CDH18: variants seen among roughly 807,000 people sequenced by gnomAD.
The protein encoded by CDH18 is cadherin 18, also known as cadherin-18.
A neutral mutation model predicts 67.9 loss-of-function variants in CDH18; 31 were observed. The observed-to-expected ratio is 0.46, with a 90% CI of 0.34 to 0.62. The LOEUF (loss-of-function observed/expected upper bound fraction) is 0.62, where lower values mean the gene tolerates loss of function less well. Among genes scored for constraint, CDH18 ranks in the 20% least tolerant of loss-of-function variants. CDH18 has a pLI of 0.01. For synonymous variants in CDH18, 362 were observed against 347.2 expected (o/e 1.04, Z -0.48); for missense variants, 890 against 975.5 (o/e 0.91, Z 1.17).
intron 2 of CDH18, among the ~76,000 whole-genome samples, chr5:20,198,219 AACAG>A (rs1739144712): frequency 6.6e-6 from 1 of 152,332 alleles, no homozygotes; most frequent in East Asian, 1.9e-4. Context: ...GGAACTCGGT[AACAG>A]ACAGACATTG....
chr5:20,552,424 C>T (rs1301691956), intron 1 of CDH18, among the ~76,000 whole-genome samples: 1 of 152,142 alleles, frequency 6.6e-6, no homozygotes, highest in Admixed American at 6.5e-5. Flanking sequence ...TTGCTGTGAG[C>T]AGAGACCATG....
chr5:20,261,483 C>T (rs1211669244), intron 1 of CDH18, among the ~76,000 whole-genome samples: 1 of 151,984 alleles, frequency 6.6e-6, no homozygotes, highest in East Asian at 1.9e-4. Flanking sequence ...GCTCACGCCT[C>T]TAATCCCAGC....
chr5:19,861,732 C>G (rs139529427), intron 2 of CDH18, among the ~76,000 whole-genome samples: 1 of 152,064 alleles, frequency 6.6e-6, no homozygotes, highest in East Asian at 1.9e-4. Context: ...AAAGATGGCT[C>G]CAATAATTGT....
chr5:20,332,356 A>G (rs1739261383), intron 1 of CDH18, among the ~76,000 whole-genome samples: 2 of 152,160 alleles, frequency 1.3e-5, no homozygotes, highest in African/African-American at 4.8e-5. Context: ...AAGTGAGATT[A>G]TTGATTTTTC....
intron 2 of CDH18, among the ~76,000 whole-genome samples, chr5:20,129,332 AGG>A (rs1277813331): frequency 5.3e-5 from 8 of 152,062 alleles, no homozygotes; most frequent in African/African-American, 1.9e-4. Context: ...TTCTGCCCCT[AGG>A]TTACATGCTA....
intron 2 of CDH18, among the ~76,000 whole-genome samples, chr5:20,095,863 A>C (rs192028880): frequency 4.7e-4 from 71 of 152,134 alleles, no homozygotes; most frequent in African/African-American, 1.7e-3. Flanking sequence ...CTAGAATAAA[A>C]AATAAAATAA....
intron 2 of CDH18, among the ~76,000 whole-genome samples, chr5:20,056,464 A>ATTTTTTTTTTT (rs1561753965): frequency 4.5e-5 from 1 of 22,074 alleles, no homozygotes; most frequent in Non-Finnish European, 9.6e-5. Context: ...ATTTTTCTTT[A>ATTTTTTTTTTT]TTTTCTTTCT....
chr5:20,145,078 C>T (rs974398600), intron 2 of CDH18, among the ~76,000 whole-genome samples: 2 of 152,092 alleles, frequency 1.3e-5, no homozygotes, highest in African/African-American at 2.4e-5. Flanking sequence ...CCTGTTTGTG[C>T]TCTTTGCTAT....
intron 1 of CDH18, among the ~76,000 whole-genome samples, chr5:20,565,595 TC>T (rs1758456187): frequency 6.6e-6 from 1 of 152,002 alleles, no homozygotes; most frequent in Admixed American, 6.6e-5. Flanking sequence ...ATTCTGGTAC[TC>T]TCATCTTTAC....
intron 1 of CDH18, among the ~76,000 whole-genome samples, chr5:20,514,572 T>C (rs982977534): frequency 6.6e-6 from 1 of 152,114 alleles, no homozygotes; most frequent in Non-Finnish European, 1.5e-5. Context: ...GTACATGAGC[T>C]GATTGTAGTA....
At chr5:19,715,946 T>A (rs563782818) in intron 5 of CDH18, among the ~76,000 whole-genome samples, 2 of 151,760 alleles carry the variant, frequency 1.3e-5, no homozygotes, top group East Asian at 3.9e-4. Flanking sequence ...GCATCCTGAG[T>A]AGCTGGGATT....
chr5:19,901,855 A>C (rs1406531079), intron 2 of CDH18, among the ~76,000 whole-genome samples: 1 of 151,896 alleles, frequency 6.6e-6, no homozygotes, highest in African/African-American at 2.4e-5. Flanking sequence ...AAAATGACTT[A>C]ATATACATCT....
chr5:20,342,565 C>T (rs1417652131), intron 1 of CDH18, among the ~76,000 whole-genome samples: 1 of 152,128 alleles, frequency 6.6e-6, no homozygotes, highest in Admixed American at 6.5e-5. Context: ...AGGAGGTGCA[C>T]TACACTTGAA....
At chr5:19,735,933 C>T (rs1297111666) in intron 4 of CDH18, among the ~76,000 whole-genome samples, 1 of 151,930 alleles carries the variant, frequency 6.6e-6, no homozygotes, top group East Asian at 1.9e-4. Context: ...ATCTACATGA[C>T]AATTATGTAA....
At position 20,078,560 on chromosome 5, in the gene CDH18, G is replaced by C. The variant is rs117859972; in HGVS notation, c.-517-86546C>G. ...CAGTAAAGAAGAAACCAATAGATTA[G>C]AGAAAACTTAAGTCTGACATTTTGT... On this transcript the variant is annotated intron_variant, in intron 2 of 14. Transcript: ENST00000507958. 2.6e-5 allele frequency among the ~76,000 whole-genome samples: 4 copies of C among 151,982 alleles called. No individual in the cohort carries two copies. The East Asian group carries it at 7.8e-4, about 30-fold the overall frequency.
At chr5:20,400,417 G>T (rs761734730) in intron 1 of CDH18, among the ~76,000 whole-genome samples, 2 of 152,068 alleles carry the variant, frequency 1.3e-5, no homozygotes, top group Non-Finnish European at 2.9e-5. Context: ...GACGGAGGTT[G>T]CAGTGAGCCG....
chr5:20,399,454 A>G (rs1404084110), intron 1 of CDH18, among the ~76,000 whole-genome samples: 1 of 152,202 alleles, frequency 6.6e-6, no homozygotes, highest in Non-Finnish European at 1.5e-5. Flanking sequence ...ATGTGAATGA[A>G]TTCATGCAGA....
chr5:20,040,601 G>C (rs909214459), intron 2 of CDH18, among the ~76,000 whole-genome samples: 1 of 152,072 alleles, frequency 6.6e-6, no homozygotes, highest in Non-Finnish European at 1.5e-5. Flanking sequence ...TCCTGGGAGC[G>C]ATTCTCTTTC....
intron 1 of CDH18, among the ~76,000 whole-genome samples, chr5:20,377,592 T>G (rs948856023): frequency 1.3e-5 from 2 of 152,150 alleles, no homozygotes; most frequent in African/African-American, 4.8e-5. Flanking sequence ...AGGAACACAA[T>G]GGTTGTTGAA....
Sources: gnomAD v4.1 joint callset for allele counts (sites outside exome capture counted in the v4.1 genomes callset) on GRCh38, gnomAD v4.1.1 for gene constraint, MANE v1.5 for transcripts, NCBI Gene and HGNC (gene_info 2026-07-23, HGNC 2026-07-21) for gene names.